Variants in TBC1D21 observed in about 807,000 individuals in gnomAD.
TBC1D21 encodes male germ cell Rab GTPase-activating protein.
Under a neutral mutation model 46.0 loss-of-function variants are expected in TBC1D21, and 38 were observed. The ratio of observed to expected loss-of-function variants is 0.83; its 90% confidence interval spans 0.64 to 1.08. The LOEUF is 1.08. Ranked by LOEUF, TBC1D21 falls within the 50% of genes least tolerant of loss-of-function variation. The pLI, the probability that TBC1D21 is intolerant of heterozygous loss-of-function variation, is 0.00. For missense variants in TBC1D21, 415 were observed against 417.9 expected, an observed-to-expected ratio of 0.99 and a Z score of 0.06; for synonymous variants, 151 against 157.2, an observed-to-expected ratio of 0.96 and a Z score of 0.29.
At chr15:73,906,980 G>A in the TBC1D21 span, among the ~76,000 whole-genome samples, 1 of 152,056 alleles carries the variant, frequency 6.6e-6, no homozygotes, top group Admixed American at 6.5e-5. Flanking sequence ...TTATAAAGAG[G>A]CCCCACCAAC....
In TBC1D21 at chr15:73,881,479, C is replaced by G. The variant is rs1261248232; in HGVS notation, c.141C>G (p.Asp47Glu). The G allele has an allele frequency of 1.2e-6, 2 of 1,614,160 alleles. No homozygotes were observed. The highest frequency in any genetic ancestry group is 1.7e-5 in the Admixed American group (1 of 60,024). ...GTGGCCACTTGGCCAAATCACGGGA[C>G]TTCATTTGTGTTAACATCCTGGAAA... Reference protein sequence around the residue: ...DESGHLAKSRDFICVNILERG... With the variant: ...DESGHLAKSREFICVNILERG... Residue 47 changes from aspartate to glutamate, a missense_variant, in exon 2 of 11, where the codon GAC becomes GAG. Transcript: ENST00000300504.
At chr15:73,891,904 T>C (rs191599666), downstream of TBC1D21, among the ~76,000 whole-genome samples, 1 of 152,292 alleles carries the variant, frequency 6.6e-6, no homozygotes, top group East Asian at 1.9e-4. Context: ...GCACCGTGGA[T>C]GGCAGGTTAA....
chr15:73,893,455 C>T (rs1229549567), downstream of TBC1D21, among the ~76,000 whole-genome samples: 2 of 152,212 alleles, frequency 1.3e-5, no homozygotes, highest in Non-Finnish European at 2.9e-5. Context: ...GCATTTCTTC[C>T]AAGCTCTCAC....
In TBC1D21 at chr15:73,877,548, A is replaced by C. The variant is rs2068089080; in HGVS notation, c.60+3779A>C. Among the ~76,000 whole-genome samples, 38 of 67,754 alleles carry C rather than the reference A, an allele frequency of 5.6e-4. 6 individuals carry two copies. Among genetic ancestry groups the C allele is most frequent in the South Asian group, 5.3e-3 (10 of 1,904 alleles). 44.4% of individuals were successfully genotyped at this position (67,754 alleles called of 152,430 possible). On this transcript the variant is annotated intron_variant, in intron 1 of 10. Coordinates refer to ENST00000300504, the MANE Select transcript of TBC1D21 (RefSeq NM_153356.3). ...AAAAAAAAAAAAAAAAAAAAAAAAA[A>C]AAGAAATCCCTACTCATTTTATGAG...
intron 3 of TBC1D21, among the ~76,000 whole-genome samples, chr15:73,882,995 G>A (rs1009469300): frequency 6.6e-5 from 10 of 152,234 alleles, no homozygotes; most frequent in Non-Finnish European, 1.3e-4. Flanking sequence ...GACCTTGCCT[G>A]TCCATGGGAG....
In TBC1D21 at chr15:73,886,078, G is replaced by A. The variant is rs943146948; in HGVS notation, c.580G>A (p.Glu194Lys). Residue 194 changes from glutamate to lysine, a missense_variant and splice_region_variant, in exon 7 of 11, where the codon GAA (glutamate) becomes AAA (lysine). Transcript: ENST00000300504. Reference protein sequence around the residue: ...WLFQFFLQKTEHSCVINIGVA... With the variant: ...WLFQFFLQKTKHSCVINIGVA... ...GTCTGTCTCCCACCATCGTGTGCAGGAACACAGCTGTGTCATCAACATTGG... is the reference window on the plus strand; with the variant it reads ...GTCTGTCTCCCACCATCGTGTGCAGAAACACAGCTGTGTCATCAACATTGG... 8 of 1,614,076 alleles carry A rather than the reference G, an allele frequency of 5.0e-6. No individual in the cohort carries two copies. The highest frequency in any genetic ancestry group is 5.9e-6 in the Non-Finnish European group (7 of 1,179,962).
the TBC1D21 span, among the ~76,000 whole-genome samples, chr15:73,895,014 G>C: frequency 6.6e-6 from 1 of 152,212 alleles, no homozygotes; most frequent in Admixed American, 6.5e-5. Context: ...GGAGTCACAA[G>C]CAATAGCATT....
chr15:73,894,407 C>T, the TBC1D21 span, among the ~76,000 whole-genome samples: 9 of 152,360 alleles, frequency 5.9e-5, no homozygotes, highest in Non-Finnish European at 1.2e-4. Flanking sequence ...CTACTTCCCT[C>T]GTCCCTCTCT....
intron 3 of TBC1D21, among the ~76,000 whole-genome samples, chr15:73,883,881 G>A (rs1002816279): frequency 3.9e-5 from 6 of 152,216 alleles, no homozygotes; most frequent in East Asian, 1.9e-4. Context: ...CAGACACCCC[G>A]TTATTAAGAT....
Position 73,880,547 on chromosome 15 carries a change from G to T in TBC1D21, c.61-852G>T, listed in dbSNP as rs568299591. ...GCACTTTGGGAGGCTGAGGCAGGTG[G>T]ATCACCTGAGGCCAAGAGATCAAGA... On this transcript the variant is annotated intron_variant, in intron 1 of 10. Coordinates refer to ENST00000300504, the MANE Select transcript of TBC1D21 (RefSeq NM_153356.3). Among the ~76,000 whole-genome samples the T allele has an allele frequency of 8.5e-5, 13 of 152,280 alleles. 3 individuals carry two copies. Among genetic ancestry groups the T allele is most frequent in the African/African-American group, 3.1e-4 (13 of 41,556 alleles).
chr15:73,887,148 A>C (rs1465614812), intron 8 of TBC1D21, among the ~76,000 whole-genome samples: 1 of 152,138 alleles, frequency 6.6e-6, no homozygotes, highest in Non-Finnish European at 1.5e-5. Flanking sequence ...TGTCCAGCCC[A>C]ACCATCCACC....
chr15:73,892,614 G>A (rs1247159522), downstream of TBC1D21, among the ~76,000 whole-genome samples: 1 of 152,210 alleles, frequency 6.6e-6, no homozygotes, highest in East Asian at 1.9e-4. Context: ...ACCACAGCTG[G>A]CATGCTTGGC....
rs1358822081 is a variant in TBC1D21 at position 73,888,436 on chromosome 15, A to G, written c.901A>G (p.Asn301Asp). Residue 301 changes from asparagine (N) to aspartate (D), a missense_variant, in exon 10 of 11, where the codon AAC becomes GAC. Transcript: ENST00000300504. ...MGGDDILLAC[N>D]NLIDLDADEL... ...CTCCCACACTCCCATGCAGGCCTGC[A>G]ACAACCTCATCGACCTTGATGCTGA... is the stretch of plus-strand genomic sequence containing the variant. 1 of 1,613,716 alleles carries G rather than the reference A, an allele frequency of 6.2e-7. No homozygotes were observed. The highest frequency in any genetic ancestry group is 8.5e-7 in the Non-Finnish European group (1 of 1,179,860).
At chr15:73,880,392 G>C (rs2068132881) in intron 1 of TBC1D21, among the ~76,000 whole-genome samples, 1 of 151,998 alleles carries the variant, frequency 6.6e-6, no homozygotes, top group South Asian at 2.1e-4. Flanking sequence ...GAAAGGTAAA[G>C]TGGAGCTCAT....
chr15:73,902,104 C>T, the TBC1D21 span, among the ~76,000 whole-genome samples: 27 of 152,346 alleles, frequency 1.8e-4, no homozygotes, highest in African/African-American at 6.3e-4. Context: ...CACGAGCCAC[C>T]GCGCCTGGCC....
At chr15:73,905,928 A>C in the TBC1D21 span, among the ~76,000 whole-genome samples, 1 of 152,102 alleles carries the variant, frequency 6.6e-6, no homozygotes, top group Non-Finnish European at 1.5e-5. Flanking sequence ...CCCCATCAAG[A>C]CAGCACAGTC....
chr15:73,897,351 T>C, the TBC1D21 span, among the ~76,000 whole-genome samples: 1 of 152,250 alleles, frequency 6.6e-6, no homozygotes, highest in Non-Finnish European at 1.5e-5. Context: ...ATGTCTATGA[T>C]GCATTTAGCC....
At chr15:73,898,863 C>CAA in the TBC1D21 span, among the ~76,000 whole-genome samples, 24 of 24,106 alleles carry the variant, frequency 1.0e-3, no homozygotes, top group South Asian at 3.4e-3. Context: ...GACTCCATCT[C>CAA]AAAAAAAAAA....
downstream of TBC1D21, among the ~76,000 whole-genome samples, chr15:73,894,092 A>T (rs2068357717): frequency 6.6e-6 from 1 of 152,218 alleles, no homozygotes; most frequent in Non-Finnish European, 1.5e-5. Flanking sequence ...AACCTGAGGC[A>T]CTGGGTTACA....
Sources: allele counts gnomAD v4.1 joint callset (sites outside exome capture counted in the v4.1 genomes callset), GRCh38; gene constraint gnomAD v4.1.1; transcripts MANE v1.5; gene names NCBI Gene and HGNC (gene_info 2026-07-23, HGNC 2026-07-21).